TMTC1: variants seen among roughly 807,000 people sequenced by gnomAD.
TMTC1 encodes the protein protein O-mannosyl-transferase TMTC1.
Under a neutral mutation model 104.8 loss-of-function variants are expected in TMTC1, and 73 were observed. That is an observed-to-expected ratio of 0.70 (90% confidence interval 0.58 to 0.85). The LOEUF (loss-of-function observed/expected upper bound fraction) is 0.85. TMTC1 is among the 40% of genes least tolerant of loss of function. The probability of loss-of-function intolerance (pLI) is 0.00; values close to 1 mark genes in which losing one functional copy is unlikely to be tolerated. For missense variants in TMTC1, 1,035 were observed against 1,096.1 expected, an observed-to-expected ratio of 0.94 and a Z score of 0.79; for synonymous variants, 434 against 428.7, an observed-to-expected ratio of 1.01 and a Z score of -0.15.
chr12:29,623,981 T>C (rs1043489306), intron 6 of TMTC1, among the ~76,000 whole-genome samples: 1 of 151,968 alleles, frequency 6.6e-6, no homozygotes, highest in African/African-American at 2.4e-5. Flanking sequence ...ATTCTCTGTC[T>C]TGTTTTTGTT....
intron 7 of TMTC1, among the ~76,000 whole-genome samples, chr12:29,583,810 A>C (rs1323039158): frequency 6.6e-6 from 1 of 151,486 alleles, no homozygotes; most frequent in East Asian, 2.0e-4. Context: ...GGAATGAGAG[A>C]GTCATCTTGT....
chr12:29,515,787 G>A (rs1943968624), intron 15 of TMTC1, among the ~76,000 whole-genome samples: 1 of 135,878 alleles, frequency 7.4e-6, no homozygotes, highest in Non-Finnish European at 1.6e-5. Context: ...CTTTATTTCT[G>A]ATGCCTACTA....
At chr12:29,633,370 T>G (rs755455093) in intron 5 of TMTC1, 34 bp from the exon 6 acceptor site, 4 of 1,529,468 alleles carry the variant, frequency 2.6e-6, no homozygotes, top group Non-Finnish European at 3.6e-6. Context: ...GAAACACTGC[T>G]CAAGAACCAT....
chr12:29,633,545 G>A (rs1273726114), intron 5 of TMTC1, among the ~76,000 whole-genome samples: 2 of 152,112 alleles, frequency 1.3e-5, no homozygotes, highest in African/African-American at 4.8e-5. Context: ...CCACTCTGAG[G>A]TGCTGACCTT....
At chr12:29,736,252 A>G (rs965575832) in intron 5 of TMTC1, among the ~76,000 whole-genome samples, 2 of 131,202 alleles carry the variant, frequency 1.5e-5, no homozygotes, top group African/African-American at 6.1e-5. Context: ...TTCACTCCTT[A>G]GGTAAAGCCA....
intron 8 of TMTC1, among the ~76,000 whole-genome samples, chr12:29,580,737 CA>C (rs1945956288): frequency 6.6e-6 from 1 of 152,152 alleles, no homozygotes; most frequent in African/African-American, 2.4e-5. Context: ...TTTTAATACT[CA>C]GCTCAGACCT....
At chr12:29,727,696 C>A (rs1281834541) in intron 5 of TMTC1, among the ~76,000 whole-genome samples, 1 of 152,114 alleles carries the variant, frequency 6.6e-6, no homozygotes, top group Non-Finnish European at 1.5e-5. Context: ...TTTTGAATGT[C>A]AAATATTAAG....
chr12:29,595,768 T>C (rs986904264), intron 7 of TMTC1, among the ~76,000 whole-genome samples: 3 of 152,192 alleles, frequency 2.0e-5, no homozygotes, highest in East Asian at 1.9e-4. Flanking sequence ...TTGAACCCCT[T>C]TGTAGGTTAA....
chr12:29,743,488 A>G (rs1942878219), intron 5 of TMTC1, among the ~76,000 whole-genome samples: 1 of 152,164 alleles, frequency 6.6e-6, no homozygotes, highest in African/African-American at 2.4e-5. Flanking sequence ...TTCTGAGGAT[A>G]AATGTCCTTC....
chr12:29,651,876 CA>C lies in TMTC1; in HGVS notation c.939-18541del, dbSNP rs564680789. 1.6e-3 allele frequency among the ~76,000 whole-genome samples: 244 copies of C among 148,208 alleles called. 1 individual carries two copies. Among genetic ancestry groups the C allele is most frequent in the South Asian group, 6.0e-3 (28 of 4,664 alleles). Reference sequence around the variant, plus strand: ...AAAAAAGGAGAGAGGTAGGGCTAAGCAAATAACTGAAGCAAAAAACTTGCCC... The same window carrying C: ...AAAAAAGGAGAGAGGTAGGGCTAAGCAATAACTGAAGCAAAAAACTTGCCC... On this transcript the variant is annotated intron_variant, in intron 5 of 17. Transcript: ENST00000539277.
chr12:29,590,513 A>G (rs1253859281), intron 7 of TMTC1, among the ~76,000 whole-genome samples: 1 of 152,194 alleles, frequency 6.6e-6, no homozygotes, highest in Non-Finnish European at 1.5e-5. Context: ...GTGGCCAGGC[A>G]TGGTGGCTCA....
intron 6 of TMTC1, among the ~76,000 whole-genome samples, chr12:29,611,690 A>C (rs1038079043): frequency 6.6e-6 from 1 of 152,210 alleles, no homozygotes; most frequent in African/African-American, 2.4e-5. Context: ...CTATGTATTG[A>C]ATTTAAAAAA....
At chr12:29,591,262 A>G (rs1946273493) in intron 7 of TMTC1, among the ~76,000 whole-genome samples, 2 of 151,478 alleles carry the variant, frequency 1.3e-5, no homozygotes, top group Non-Finnish European at 3.0e-5. Flanking sequence ...AGGGGAGAGA[A>G]ACGCACTCTT....
Position 29,633,149 on chromosome 12 carries a change from T to C in TMTC1, c.1126A>G (p.Lys376Glu). Reference protein sequence around the residue: ...LLSLHCLAAFKRLEHKEVLVG... With the variant: ...LLSLHCLAAFERLEHKEVLVG... ...CATTCTACTTTTGAGAAAATTACCT[T>C]AAAGGCTGCTAAGCAGTGCAGGCTC... The change falls in exon 6 of 18, where the codon AAG becomes GAG. Residue 376 changes from lysine (K) to glutamate (E), a missense_variant and splice_region_variant. By Grantham distance (56) the Lys-to-Glu change is moderately conservative (BLOSUM62 1). Coordinates refer to ENST00000539277, the MANE Select transcript of TMTC1 (RefSeq NM_001193451.2). 1 of 1,609,426 alleles carries C rather than the reference T, an allele frequency of 6.2e-7. No individual in the cohort carries two copies. The highest frequency in any genetic ancestry group is 8.5e-7 in the Non-Finnish European group (1 of 1,177,044).
intron 7 of TMTC1, among the ~76,000 whole-genome samples, chr12:29,597,487 G>A (rs1322351369): frequency 6.6e-6 from 1 of 151,920 alleles, no homozygotes; most frequent in African/African-American, 2.4e-5. Flanking sequence ...TAGGGCCACT[G>A]TCGGGCCCTC....
intron 8 of TMTC1, among the ~76,000 whole-genome samples, chr12:29,579,883 G>A (rs1010449622): frequency 6.6e-6 from 1 of 152,098 alleles, no homozygotes; most frequent in Non-Finnish European, 1.5e-5. Context: ...GTAAAATATA[G>A]GAATGGCAAA....
At chr12:29,709,868 A>G (rs1018216496) in intron 5 of TMTC1, among the ~76,000 whole-genome samples, 5 of 152,176 alleles carry the variant, frequency 3.3e-5, no homozygotes, top group Non-Finnish European at 7.3e-5. Flanking sequence ...TGAGGTTGCT[A>G]TAGGAGTTTA....
At position 29,659,785 on chromosome 12, in the gene TMTC1, A is replaced by AC. The variant is rs921088333; in HGVS notation, c.939-26450dup. The stretch of plus-strand genomic sequence containing the variant: ...TCTTTTCTCCCCACATGGAGGATAG[A>AC]CCCCAATCCTCAATATGCAAAGTCA... On this transcript the variant is annotated intron_variant, in intron 5 of 17. Transcript: ENST00000539277. The AC allele has an allele frequency of 1.2e-5, 10 of 858,418 alleles. No individual in the cohort carries two copies. The African/African-American group carries it at 1.7e-4, about 15-fold the overall frequency. 53.2% of individuals were successfully genotyped at this position (858,418 alleles called of 1,614,324 possible).
chr12:29,714,997 C>T (rs1942037456), intron 5 of TMTC1, among the ~76,000 whole-genome samples: 1 of 152,152 alleles, frequency 6.6e-6, no homozygotes, highest in Admixed American at 6.5e-5. Context: ...AAAAATAGTA[C>T]TTTTTACCCA....
Sources: allele counts gnomAD v4.1 joint callset (sites outside exome capture counted in the v4.1 genomes callset), GRCh38; gene constraint gnomAD v4.1.1; transcripts MANE v1.5; gene names NCBI Gene and HGNC (gene_info 2026-07-23, HGNC 2026-07-21).